MRGPRF: variants seen among roughly 807,000 people sequenced by gnomAD.
MRGPRF encodes the protein mas-related G protein-coupled receptor member F.
MRGPRF carries 2 observed loss-of-function variants against 3.3 expected under a neutral mutation model. The observed-to-expected ratio is 0.61, with a 90% CI of 0.25 to 1.92. The LOEUF (loss-of-function observed/expected upper bound fraction) is 1.92. Ranked by LOEUF, MRGPRF falls within the 40% of genes most tolerant of loss-of-function variation. The probability of loss-of-function intolerance (pLI) is 0.16; values close to 1 mark genes in which losing one functional copy is unlikely to be tolerated. For synonymous variants in MRGPRF, 242 were observed against 222.7 expected, an observed-to-expected ratio of 1.09 and a Z score of -0.77; for missense variants, 500 against 476.0, an observed-to-expected ratio of 1.05 and a Z score of -0.47.
Position 69,005,431 on chromosome 11 carries a change from C to A in MRGPRF, c.879G>T (p.Leu293=). 6.3e-7 allele frequency: 1 copy of A among 1,589,604 alleles called. No homozygotes were observed. The highest frequency in any genetic ancestry group is 2.3e-5 in the East Asian group (1 of 43,632). ...GCCGCTGCGACTTGTCCCTCCCGGC[C>A]AGGAAGTAGACGATGGGCTTGGCGC... ...NSSAKPIVYF[L]AGRDKSQRLW... is the part of the protein sequence containing the mutation. The change falls in exon 3 of 3, where the codon CTG becomes CTT. Residue 293 remains leucine (L), a synonymous_variant. Transcript: ENST00000309099.
intron 2 of MRGPRF, among the ~76,000 whole-genome samples, chr11:69,006,502 C>T (rs1433035247): frequency 6.6e-6 from 1 of 152,132 alleles, no homozygotes; most frequent in Non-Finnish European, 1.5e-5. Context: ...CACAATGGTG[C>T]CTATAGGAGT....
At position 69,005,482 on chromosome 11, in the gene MRGPRF, A is replaced by G; in HGVS notation, c.828T>C (p.Thr276=). 6.3e-7 allele frequency: 1 copy of G among 1,585,728 alleles called. No individual in the cohort carries two copies. The highest frequency in any genetic ancestry group is 8.6e-7 in the Non-Finnish European group (1 of 1,166,064). The change falls in exon 3 of 3, where the codon ACT becomes ACC. Residue 276 remains threonine, a synonymous_variant. Coordinates refer to ENST00000309099, the MANE Select transcript of MRGPRF (RefSeq NM_145015.5). ...TGCTGTTGATGCAGATGCACAGGTC[A>G]GTGACGTACTCGGGGAAGGGGGCCG... ...QIPAPFPEYV[T]DLCICINSSA...
chr11:69,008,057 G>A (rs778527333), intron 2 of MRGPRF, among the ~76,000 whole-genome samples: 24 of 152,200 alleles, frequency 1.6e-4, no homozygotes, highest in Non-Finnish European at 3.2e-4. Flanking sequence ...TGAGCGAAGC[G>A]GGCAGCCTGC....
In MRGPRF at chr11:69,005,388, C is replaced by A. The variant is rs777236371; in HGVS notation, c.922G>T (p.Val308Leu). The A allele has an allele frequency of 1.5e-5, 23 of 1,576,096 alleles. No individual in the cohort carries two copies. The South Asian group carries it at 2.7e-4, about 18-fold the overall frequency. ...TCCCGCAGGGCCCGCTGGAAGACCA[C>A]CCTGAGCGGCTCCCACAGCCGCTGC... ...KSQRLWEPLR[V>L]VFQRALRDGA... Residue 308 changes from valine (V) to leucine (L), a missense_variant, in exon 3 of 3, where the codon GTG becomes TTG. Val to Leu is a conservative substitution (Grantham distance 32). Transcript: ENST00000309099.
chr11:69,009,595 C>A, intron 2 of MRGPRF: 1 of 608,150 alleles, frequency 1.6e-6, no homozygotes, highest in Non-Finnish European at 3.0e-6. Flanking sequence ...TGCTACAAGG[C>A]GACCACAGTG....
At chr11:69,008,574 G>A (rs891024440) in intron 2 of MRGPRF, among the ~76,000 whole-genome samples, 2 of 152,222 alleles carry the variant, frequency 1.3e-5, no homozygotes, top group Non-Finnish European at 2.9e-5. Flanking sequence ...ACTCTGGGGA[G>A]ACTCTGTGAG....
At chr11:69,009,370 T>G in intron 2 of MRGPRF, 1 of 417,098 alleles carries the variant, frequency 2.4e-6, no homozygotes, top group Non-Finnish European at 4.2e-6. Flanking sequence ...CCTGGAGGGG[T>G]TGTCAGAGTC....
In MRGPRF at chr11:69,010,188, C is replaced by T. The variant is rs548390718; in HGVS notation, c.-56-231G>A. 9.8e-5 allele frequency among the ~76,000 whole-genome samples: 15 copies of T among 152,368 alleles called. No homozygotes were observed. The East Asian group carries it at 2.1e-3, about 22-fold the overall frequency. Reference sequence around the variant, plus strand: ...CCTGTGGACTCCGCGTCAGCCCCACCGCAGCTCACTGGAAAAGAAGCCCTC... The same window carrying T: ...CCTGTGGACTCCGCGTCAGCCCCACTGCAGCTCACTGGAAAAGAAGCCCTC... On this transcript the variant is annotated intron_variant, in intron 1 of 2. Coordinates refer to ENST00000309099, the MANE Select transcript of MRGPRF (RefSeq NM_145015.5).
At chr11:69,009,459 A>G in intron 2 of MRGPRF, 1 of 553,072 alleles carries the variant, frequency 1.8e-6, no homozygotes. Context: ...CCTAGGCTCC[A>G]TGGAGCACAT....
intron 1 of MRGPRF, 134 bp from the exon 2 acceptor site, chr11:69,010,091 C>T: frequency 1.6e-6 from 1 of 613,362 alleles, no homozygotes; most frequent in Admixed American, 3.0e-5. Context: ...CCCACACCCT[C>T]AGCAGCAGGG....
chr11:69,005,157 G>C lies in MRGPRF; in HGVS notation c.*121C>G, dbSNP rs375921022. ...CCCCAGCCCAGGGAGAAGGAGGCCC[G>C]AGGAGAGGAAACAGATCTTTCTTCT... is the stretch of plus-strand genomic sequence containing the variant. On this transcript the variant is annotated 3_prime_UTR_variant, in exon 3 of 3. Coordinates refer to ENST00000309099, the MANE Select transcript of MRGPRF (RefSeq NM_145015.5). 13 of 1,283,190 alleles carry C rather than the reference G, an allele frequency of 1.0e-5. No homozygotes were observed. In the African/African-American group the frequency reaches 1.4e-4, roughly 13 times the overall value. The allele number at this position is 1,283,190 out of a possible 1,614,324, so 79.5% of individuals were successfully genotyped here.
chr11:69,004,953 A>C lies in MRGPRF; in HGVS notation c.*325T>G. The C allele has an allele frequency of 3.5e-6, 1 of 285,946 alleles. No homozygotes were observed. The highest frequency in any genetic ancestry group is 6.5e-6 in the Non-Finnish European group (1 of 153,526). 17.7% of individuals were successfully genotyped at this position (285,946 alleles called of 1,614,324 possible). ...GCTGACCCAAGAGGCAGAGGTGGCT[A>C]GGCTGGGTGTTGACCTCCTCTCTTT... On this transcript the variant is annotated 3_prime_UTR_variant, in exon 3 of 3. Coordinates refer to ENST00000309099, the MANE Select transcript of MRGPRF (RefSeq NM_145015.5).
chr11:69,013,260 G>C (rs1860642262), upstream of MRGPRF: 1 of 152,532 alleles, frequency 6.6e-6, no homozygotes, highest in African/African-American at 2.4e-5. Flanking sequence ...TTTGGAAGCA[G>C]AACCCGCCCC....
intron 2 of MRGPRF, among the ~76,000 whole-genome samples, chr11:69,006,619 C>T (rs1018096870): frequency 9.3e-6 from 1 of 107,936 alleles, no homozygotes; most frequent in Non-Finnish European, 1.8e-5. Context: ...GAGCCTTTCC[C>T]TTTTTTTTTT....
At position 69,006,143 on chromosome 11, in the gene MRGPRF, A is replaced by G. The variant is rs974399513; in HGVS notation, c.167T>C (p.Leu56Pro). Reference protein sequence around the residue: ...VMNYIFLLLCLCGLVGNGLVL... With the variant: ...VMNYIFLLLCPCGLVGNGLVL... The stretch of plus-strand genomic sequence containing the variant: ...CAGCCCGTTGCCCACCAGGCCACAC[A>G]GGCAGAGGAGCAGGAAGATGTAGTT... Residue 56 changes from leucine to proline, a missense_variant, in exon 3 of 3, where the codon CTG becomes CCG. By Grantham distance (98) the Leu-to-Pro change is moderately conservative. Transcript: ENST00000309099. The G allele has an allele frequency of 6.2e-7, 1 of 1,614,122 alleles. No individual in the cohort carries two copies. Among genetic ancestry groups the G allele is most frequent in the Non-Finnish European group, 8.5e-7 (1 of 1,180,028 alleles).
intron 1 of MRGPRF, among the ~76,000 whole-genome samples, chr11:69,011,346 C>T (rs1460822525): frequency 6.6e-6 from 1 of 152,206 alleles, no homozygotes; most frequent in African/African-American, 2.4e-5. Context: ...CTCGGCCCCG[C>T]GCTGCCAGAC....
intron 1 of MRGPRF, among the ~76,000 whole-genome samples, chr11:69,011,265 C>T (rs1013554169): frequency 2.0e-5 from 3 of 152,298 alleles, no homozygotes; most frequent in East Asian, 1.9e-4. Context: ...CTGGGCCTCC[C>T]GGAGCTGGTG....
At chr11:69,006,543 G>A (rs368737477) in intron 2 of MRGPRF, among the ~76,000 whole-genome samples, 4 of 152,000 alleles carry the variant, frequency 2.6e-5, no homozygotes, top group Non-Finnish European at 4.4e-5. Flanking sequence ...CCCAGGAAGG[G>A]TGCCAGGCTG....
chr11:69,005,677 C>A lies in MRGPRF; in HGVS notation c.633G>T (p.Pro211=). 1.9e-6 allele frequency: 3 copies of A among 1,551,484 alleles called. No homozygotes were observed. Among genetic ancestry groups the A allele is most frequent in the Non-Finnish European group, 2.6e-6 (3 of 1,147,300 alleles). Residue 211 remains proline, a synonymous_variant, in exon 3 of 3, where the codon CCG becomes CCT. Coordinates refer to ENST00000309099, the MANE Select transcript of MRGPRF (RefSeq NM_145015.5). ...LGILLFLLCC[P]LMVLPCLALI... ...GGGCCAGGCAGGGCAGCACCATGAG[C>A]GGGCAGCAGAGCAGGAACAGGAGGA...
Sources: allele counts gnomAD v4.1 joint callset (sites outside exome capture counted in the v4.1 genomes callset), GRCh38; gene constraint gnomAD v4.1.1; transcripts MANE v1.5; gene names NCBI Gene and HGNC (gene_info 2026-07-23, HGNC 2026-07-21).